The following DOCK4 variants were observed in gnomAD, a reference collection of about 807,000 sequenced individuals.
DOCK4 encodes the protein dedicator of cytokinesis protein 4.
DOCK4 carries 97 observed loss-of-function variants against 268.1 expected under a neutral mutation model. That is an observed-to-expected ratio of 0.36 (90% CI 0.31 to 0.43). DOCK4 has a LOEUF of 0.43. Among genes scored for constraint, DOCK4 ranks in the 20% least tolerant of loss-of-function variants. The pLI is 1.00. For missense variants in DOCK4, 2,145 were observed against 2,455.7 expected (o/e 0.87, Z 2.67); for synonymous variants, 954 against 887.2 (o/e 1.08, Z -1.34).
At chr7:111,782,753 C>A in intron 35 of DOCK4, 111 bp downstream of exon 35, 1 of 1,119,838 alleles carries the variant, frequency 8.9e-7, no homozygotes, top group Non-Finnish European at 1.3e-6. Context: ...TTAAAAATAA[C>A]TCTTCTAAGA....
intron 7 of DOCK4, among the ~76,000 whole-genome samples, chr7:111,981,931 A>C (rs1224301935): frequency 1.3e-5 from 2 of 152,214 alleles, no homozygotes; most frequent in Non-Finnish European, 2.9e-5. Context: ...TTACATGAAA[A>C]GAACAGAGAC....
chr7:111,828,363 C>A (rs1802560063), intron 26 of DOCK4, among the ~76,000 whole-genome samples: 1 of 152,098 alleles, frequency 6.6e-6, no homozygotes. Context: ...TCAGCAGTAA[C>A]CCTGGAGGCA....
At chr7:111,778,160 T>A in intron 36 of DOCK4, 116 bp downstream of exon 36, 1 of 638,602 alleles carries the variant, frequency 1.6e-6, no homozygotes, top group South Asian at 2.4e-5. Flanking sequence ...TAAAAATAAA[T>A]TTTAATTTTA....
chr7:111,889,970 CAA>C (rs1808158613), intron 16 of DOCK4, among the ~76,000 whole-genome samples: 1 of 152,192 alleles, frequency 6.6e-6, no homozygotes, highest in African/African-American at 2.4e-5. Context: ...GATGAATTTA[CAA>C]AACCCCAACT....
chr7:112,109,251 C>CA (rs1478335972), intron 1 of DOCK4, among the ~76,000 whole-genome samples: 1 of 152,022 alleles, frequency 6.6e-6, no homozygotes, highest in African/African-American at 2.4e-5. Flanking sequence ...TTTCCCCACG[C>CA]AAAACAAAAC....
chr7:111,930,071 C>T (rs1179115332), intron 12 of DOCK4, among the ~76,000 whole-genome samples: 2 of 152,136 alleles, frequency 1.3e-5, no homozygotes, highest in Non-Finnish European at 2.9e-5. Context: ...GCTCAACAAA[C>T]CTAAACCAGG....
chr7:112,075,838 A>G (rs1808017683), intron 1 of DOCK4, among the ~76,000 whole-genome samples: 1 of 152,102 alleles, frequency 6.6e-6, no homozygotes, highest in Non-Finnish European at 1.5e-5. Flanking sequence ...CTTCCAGCCC[A>G]AAAGAAGTGT....
intron 51 of DOCK4, 132 bp downstream of exon 51, chr7:111,734,922 A>G: frequency 1.4e-6 from 1 of 700,398 alleles, no homozygotes; most frequent in Non-Finnish European, 2.5e-6. Context: ...ATTGTCAAGG[A>G]ATTATGCAGC....
chr7:111,739,088 C>G lies in DOCK4; in HGVS notation c.5232+46G>C, dbSNP rs1252115117. On this transcript the variant is annotated intron_variant, in intron 49 of 52. Transcript: ENST00000428084. ...TTTCTGCAGAGATAGGTAAGCAATT[C>G]CAGAATTGTCCTTGTTTTCTAGTTT... is the stretch of plus-strand genomic sequence containing the variant. 15 of 1,540,042 alleles carry G rather than the reference C, an allele frequency of 9.7e-6. No individual in the cohort carries two copies. The East Asian group carries it at 3.1e-4, about 32-fold the overall frequency.
At chr7:111,978,994 T>TA (rs1380876555) in intron 7 of DOCK4, among the ~76,000 whole-genome samples, 2 of 152,082 alleles carry the variant, frequency 1.3e-5, no homozygotes, top group Non-Finnish European at 2.9e-5. Context: ...CTTTGACAAT[T>TA]AAAAAAATAG....
At chr7:111,960,471 G>C (rs1486986633) in intron 8 of DOCK4, among the ~76,000 whole-genome samples, 1 of 148,002 alleles carries the variant, frequency 6.8e-6, no homozygotes, top group Non-Finnish European at 1.5e-5. Flanking sequence ...TTGTGGAATG[G>C]ATAAATCAAG....
chr7:111,977,061 C>T, intron 8 of DOCK4, 71 bp downstream of exon 8: 3 of 1,544,710 alleles, frequency 1.9e-6, no homozygotes, highest in South Asian at 2.5e-5. Context: ...ATATATCTTA[C>T]AGCTTGCCAA....
At chr7:112,189,742 T>G (rs1235665374) in intron 1 of DOCK4, among the ~76,000 whole-genome samples, 1 of 60,142 alleles carries the variant, frequency 1.7e-5, no homozygotes, top group Non-Finnish European at 2.7e-5. Flanking sequence ...TCTGTCTGGG[T>G]TTTGTTTTTT....
chr7:111,867,973 A>G lies in DOCK4; in HGVS notation c.2280+11T>C, dbSNP rs1231950734. The G allele has an allele frequency of 6.3e-7, 1 of 1,575,458 alleles. No homozygotes were observed. Among genetic ancestry groups the G allele is most frequent in the East Asian group, 2.3e-5 (1 of 43,922 alleles). On this transcript the variant is annotated intron_variant, in intron 22 of 52. Coordinates refer to ENST00000428084, the MANE Select transcript of DOCK4 (RefSeq NM_001363540.2). ...GTTTTCTTCTATTCAGCATAGATGA[A>G]AAGAAATTACCTGTGACTGAGATAA...
At chr7:111,791,637 G>C (rs1403290100) in intron 30 of DOCK4, among the ~76,000 whole-genome samples, 1 of 152,012 alleles carries the variant, frequency 6.6e-6, no homozygotes, top group Non-Finnish European at 1.5e-5. Context: ...TAGTAGAGAT[G>C]GGGTTTCACC....
At chr7:111,730,675 A>G (rs1430114047) in intron 52 of DOCK4, among the ~76,000 whole-genome samples, 6 of 152,028 alleles carry the variant, frequency 3.9e-5, no homozygotes, top group African/African-American at 7.3e-5. Flanking sequence ...CTTATCAGTT[A>G]AGGCAGCACA....
intron 1 of DOCK4, among the ~76,000 whole-genome samples, chr7:112,086,708 T>A (rs1419523966): frequency 6.6e-6 from 1 of 152,150 alleles, no homozygotes; most frequent in Admixed American, 6.6e-5. Context: ...AACCCAACTC[T>A]GAAGTCACAT....
At chr7:111,741,772 A>G (rs1795935368) in intron 45 of DOCK4, 111 bp from the exon 46 acceptor site, 12 of 1,373,408 alleles carry the variant, frequency 8.7e-6, no homozygotes, top group Admixed American at 2.8e-5. Flanking sequence ...AAGTCTTCAC[A>G]TAGGGAGCTA....
Position 111,732,298 on chromosome 7 carries a change from GGA to G in DOCK4, c.5420-13_5420-12del. On this transcript the variant is annotated splice_polypyrimidine_tract_variant and intron_variant, in intron 51 of 52. Transcript: ENST00000428084. ...GTCTTGCTGGTGAAGCTGTCAATGG[GGA>G]GAGAGATAACATTTCAATTAAGAAA... is the stretch of plus-strand genomic sequence containing the variant. The G allele has an allele frequency of 6.2e-7, 1 of 1,613,848 alleles. No individual in the cohort carries two copies. Among genetic ancestry groups the G allele is most frequent in the Non-Finnish European group, 8.5e-7 (1 of 1,179,794 alleles).
Sources: gnomAD v4.1 joint callset for allele counts (sites outside exome capture counted in the v4.1 genomes callset) on GRCh38, gnomAD v4.1.1 for gene constraint, MANE v1.5 for transcripts, NCBI Gene and HGNC (gene_info 2026-07-23, HGNC 2026-07-21) for gene names.